MBD2: variants seen among roughly 807,000 people sequenced by gnomAD.
MBD2 encodes methyl-CpG binding domain protein 2, also known as methyl-CpG-binding domain protein 2.
A neutral mutation model predicts 39.3 loss-of-function variants in MBD2; 9 were observed. The ratio of observed to expected loss-of-function variants is 0.23; its 90% confidence interval spans 0.14 to 0.40. MBD2 has a LOEUF of 0.40. Among genes scored for constraint, MBD2 ranks in the 10% least tolerant of loss-of-function variants. The pLI, the probability that MBD2 is intolerant of heterozygous loss-of-function variation, is 1.00. For missense variants in MBD2, 458 were observed against 532.6 expected (o/e 0.86, Z 1.38); for synonymous variants, 233 against 211.1 (o/e 1.10, Z -0.90).
chr18:54,219,582 T>G (rs574665963), intron 1 of MBD2, among the ~76,000 whole-genome samples: 1 of 152,322 alleles, frequency 6.6e-6, no homozygotes, highest in Non-Finnish European at 1.5e-5. Flanking sequence ...CAAGAAGACT[T>G]TAACACAAAT....
At chr18:54,171,698 G>C (rs370789295) in intron 3 of MBD2, among the ~76,000 whole-genome samples, 4 of 152,174 alleles carry the variant, frequency 2.6e-5, no homozygotes, top group African/African-American at 9.6e-5. Context: ...AATAGGGAGA[G>C]GAAGAGGAGG....
At position 54,223,953 on chromosome 18, in the gene MBD2, G is replaced by A. The variant is rs1002960842; in HGVS notation, c.542+65C>T. Reference sequence around the variant, plus strand: ...GGCCCCAGCGCTCATCCTCTGCCCAGGCCCGCTCTTGACCCCTGACCCCGG... The same window carrying A: ...GGCCCCAGCGCTCATCCTCTGCCCAAGCCCGCTCTTGACCCCTGACCCCGG... On this transcript the variant is annotated intron_variant, in intron 1 of 6. Coordinates refer to ENST00000256429, the MANE Select transcript of MBD2 (RefSeq NM_003927.5). 5.0e-6 allele frequency: 7 copies of A among 1,399,984 alleles called. 1 individual carries two copies. The South Asian group carries it at 7.6e-5, about 15-fold the overall frequency. 86.7% of individuals were successfully genotyped at this position (1,399,984 alleles called of 1,614,324 possible). A position where few individuals can be genotyped will look rare whatever the true frequency, so the allele number is the denominator to read the frequency against.
chr18:54,166,650 A>G (rs868616979), intron 3 of MBD2, among the ~76,000 whole-genome samples: 2 of 152,224 alleles, frequency 1.3e-5, no homozygotes, highest in African/African-American at 4.8e-5. Context: ...TTAAGGGAGA[A>G]AAGACCATTT....
chr18:54,190,859 T>A (rs994933563), intron 2 of MBD2, among the ~76,000 whole-genome samples: 1 of 152,166 alleles, frequency 6.6e-6, no homozygotes, highest in African/African-American at 2.4e-5. Flanking sequence ...CTAGTTTTAA[T>A]CAATCAATCA....
rs969359083 is a variant in MBD2, at chr18:54,154,508, T to A, written c.*816A>T. 2 of 152,182 alleles carry A rather than the reference T, an allele frequency of 1.3e-5. No individual in the cohort carries two copies. Among genetic ancestry groups the A allele is most frequent in the African/African-American group, 4.8e-5 (2 of 41,440 alleles). 9.4% of individuals were successfully genotyped at this position (152,182 alleles called of 1,614,324 possible). On this transcript the variant is annotated 3_prime_UTR_variant, in exon 7 of 7. Coordinates refer to ENST00000256429, the MANE Select transcript of MBD2 (RefSeq NM_003927.5). ...AACAATAAACATGGACGCCTTCTAG[T>A]AACACCTGAAGGGTCCTTGTGTATC...
chr18:54,192,406 T>A (rs186083829), intron 2 of MBD2, among the ~76,000 whole-genome samples: 1 of 152,176 alleles, frequency 6.6e-6, no homozygotes, highest in Non-Finnish European at 1.5e-5. Context: ...CTAATTTTTT[T>A]ATTTTTAGTA....
intron 1 of MBD2, chr18:54,222,164 GCT>G: frequency 3.3e-6 from 1 of 303,020 alleles, no homozygotes. Context: ...AAAACAGAAT[GCT>G]CTGTTAATGA....
intron 3 of MBD2, among the ~76,000 whole-genome samples, chr18:54,184,937 GA>G (rs1302931687): frequency 6.6e-6 from 1 of 152,146 alleles, no homozygotes; most frequent in Non-Finnish European, 1.5e-5. Flanking sequence ...TATCCACCAT[GA>G]GACTCTGCTT....
chr18:54,199,971 T>A (rs2086393126), intron 2 of MBD2, among the ~76,000 whole-genome samples: 1 of 152,040 alleles, frequency 6.6e-6, no homozygotes, highest in Non-Finnish European at 1.5e-5. Context: ...TTGTTGATAA[T>A]TAAAACAAGT....
At chr18:54,214,995 C>T (rs1043459724) in intron 1 of MBD2, among the ~76,000 whole-genome samples, 9 of 152,302 alleles carry the variant, frequency 5.9e-5, no homozygotes, top group Middle Eastern at 6.8e-3. Flanking sequence ...CCGCCTCAGC[C>T]TACCAAACTG....
intron 2 of MBD2, among the ~76,000 whole-genome samples, chr18:54,199,772 T>C (rs1436693415): frequency 6.6e-6 from 1 of 152,144 alleles, no homozygotes; most frequent in African/African-American, 2.4e-5. Context: ...TCAGGCCATC[T>C]TTATTTTTCT....
At chr18:54,218,747 G>C (rs1394218463) in intron 1 of MBD2, among the ~76,000 whole-genome samples, 3 of 152,300 alleles carry the variant, frequency 2.0e-5, no homozygotes, top group Non-Finnish European at 2.9e-5. Context: ...TGGATCTCAA[G>C]GTCAGGAGTT....
At chr18:54,189,291 T>C (rs2086303742) in intron 2 of MBD2, among the ~76,000 whole-genome samples, 1 of 150,720 alleles carries the variant, frequency 6.6e-6, no homozygotes, top group Non-Finnish European at 1.5e-5. Context: ...TGGCGCGATC[T>C]AGGCTCACTA....
intron 3 of MBD2, among the ~76,000 whole-genome samples, chr18:54,175,037 T>G (rs562749194): frequency 6.6e-6 from 1 of 152,244 alleles, no homozygotes. Flanking sequence ...TATTCTTACA[T>G]GAAAACTGGA....
intron 1 of MBD2, among the ~76,000 whole-genome samples, chr18:54,216,644 TAA>T (rs922787600): frequency 6.6e-6 from 1 of 152,102 alleles, no homozygotes; most frequent in Non-Finnish European, 1.5e-5. Flanking sequence ...AAAGGCTTTT[TAA>T]AAGAGATGAA....
chr18:54,181,642 G>A (rs1054713597), intron 3 of MBD2, among the ~76,000 whole-genome samples: 1 of 152,064 alleles, frequency 6.6e-6, no homozygotes, highest in African/African-American at 2.4e-5. Context: ...GGGATTACAG[G>A]CACCTGCCAC....
chr18:54,193,076 G>A (rs2086334360), intron 2 of MBD2, among the ~76,000 whole-genome samples: 1 of 152,162 alleles, frequency 6.6e-6, no homozygotes, highest in Admixed American at 6.6e-5. Flanking sequence ...AATCTGTAAA[G>A]CTGGACTAAC....
chr18:54,209,737 C>T (rs1176396412), intron 1 of MBD2, among the ~76,000 whole-genome samples: 1 of 152,198 alleles, frequency 6.6e-6, no homozygotes, highest in Non-Finnish European at 1.5e-5. Flanking sequence ...AGTAGGAATT[C>T]TGCCCATGAG....
At chr18:54,222,451 G>A (rs2086623662) in intron 1 of MBD2, 1 of 475,968 alleles carries the variant, frequency 2.1e-6, no homozygotes. Flanking sequence ...ATTTAATGAT[G>A]AGGAAATACA....
Sources: gnomAD v4.1 joint callset for allele counts (sites outside exome capture counted in the v4.1 genomes callset) on GRCh38, gnomAD v4.1.1 for gene constraint, MANE v1.5 for transcripts, NCBI Gene and HGNC (gene_info 2026-07-23, HGNC 2026-07-21) for gene names.